The following CPXM2 variants were observed in gnomAD, a reference collection of about 807,000 sequenced individuals.
CPXM2 encodes the protein carboxypeptidase X, M14 family member 2, also known as inactive carboxypeptidase-like protein X2.
In CPXM2, 66 loss-of-function variants were observed where a neutral mutation model predicts 86.1. The observed-to-expected ratio is 0.77, with a 90% CI of 0.63 to 0.94. The LOEUF is 0.94. Among genes scored for constraint, CPXM2 ranks in the 40% least tolerant of loss-of-function variants. The pLI is 0.00. For missense variants in CPXM2, 948 were observed against 1,026.3 expected (o/e 0.92, Z 1.04); for synonymous variants, 388 against 400.2 (o/e 0.97, Z 0.36).
intron 4 of CPXM2, among the ~76,000 whole-genome samples, chr10:123,813,077 C>T (rs1590027768): frequency 6.6e-6 from 1 of 152,160 alleles, no homozygotes; most frequent in South Asian, 2.1e-4. Flanking sequence ...CAGGAAAACG[C>T]CACAACTACC....
At chr10:123,780,096 T>G in intron 7 of CPXM2, 71 bp downstream of exon 7, 8 of 955,524 alleles carry the variant, frequency 8.4e-6, no homozygotes, top group Non-Finnish European at 1.4e-5. Context: ...AAAATTTAAG[T>G]GCTTATGGAC....
intron 13 of CPXM2, chr10:123,750,602 A>G (rs966744912): frequency 1.0e-6 from 1 of 963,306 alleles, no homozygotes; most frequent in Non-Finnish European, 1.2e-6. Flanking sequence ...CTTTGGAATT[A>G]TCTCTAGGTC....
chr10:123,926,691 G>A (rs1404538968), intron 2 of CPXM2, among the ~76,000 whole-genome samples: 1 of 152,128 alleles, frequency 6.6e-6, no homozygotes, highest in Non-Finnish European at 1.5e-5. Flanking sequence ...CCTTTCTCCT[G>A]CCTGGAACAT....
rs77984378 is a variant in CPXM2 at position 123,825,091 on chromosome 10, A to G, written c.653+17258T>C. On this transcript the variant is annotated intron_variant, in intron 4 of 13. Transcript: ENST00000241305. The stretch of plus-strand genomic sequence containing the variant: ...AACTTCTGGAGGATTCTGAGGGGAA[A>G]ACATTTACCTTCTGGATCTAAACTG... Among the ~76,000 whole-genome samples, 1,478 of 152,308 alleles carry G rather than the reference A, an allele frequency of 9.7e-3. 24 individuals are homozygous for G. The highest frequency in any genetic ancestry group is 0.034 in the African/African-American group (1,407 of 41,576).
chr10:123,857,660 C>T lies in CPXM2; in HGVS notation c.513+4954G>A, dbSNP rs61861894. Among the ~76,000 whole-genome samples the T allele has an allele frequency of 8.8e-5, 10 of 113,216 alleles. 1 individual carries two copies. The highest frequency in any genetic ancestry group is 6.1e-4 in the South Asian group (2 of 3,298). 74.3% of individuals were successfully genotyped at this position (113,216 alleles called of 152,430 possible). A position where few individuals can be genotyped will look rare whatever the true frequency, so the allele number is the denominator to read the frequency against. ...TGGAAGGCGGCGTGGAGATGGAAGGCGGCGTGGAGATGGAAGGCGGCGTGG... is the reference window on the plus strand; with the variant it reads ...TGGAAGGCGGCGTGGAGATGGAAGGTGGCGTGGAGATGGAAGGCGGCGTGG... On this transcript the variant is annotated intron_variant, in intron 3 of 13. Coordinates refer to ENST00000241305, the MANE Select transcript of CPXM2 (RefSeq NM_198148.3).
At chr10:123,797,131 G>A (rs1449235858) in intron 6 of CPXM2, among the ~76,000 whole-genome samples, 3 of 152,198 alleles carry the variant, frequency 2.0e-5, no homozygotes, top group African/African-American at 4.8e-5. Context: ...AAGCCACCCC[G>A]AGGTTACCCC....
At chr10:123,780,493 G>A (rs917313975) in intron 6 of CPXM2, among the ~76,000 whole-genome samples, 9 of 152,176 alleles carry the variant, frequency 5.9e-5, no homozygotes, top group Non-Finnish European at 1.3e-4. Flanking sequence ...CTTACATGCT[G>A]TATGAGTATG....
chr10:123,753,793 T>G lies in CPXM2; in HGVS notation c.2017+870A>C, dbSNP rs563309120. ...GGAATAAGATGTCAGCACTGCCTTTTAGAGATCATCCTCTGACCCTCAGAT... is the reference window on the plus strand; with the variant it reads ...GGAATAAGATGTCAGCACTGCCTTTGAGAGATCATCCTCTGACCCTCAGAT... On this transcript the variant is annotated intron_variant, in intron 13 of 13. Transcript: ENST00000241305. Among the ~76,000 whole-genome samples the G allele has an allele frequency of 2.6e-5, 4 of 152,198 alleles. No homozygotes were observed. In the South Asian group the frequency reaches 6.2e-4, roughly 24 times the overall value.
At position 123,875,473 on chromosome 10, in the gene CPXM2, G is replaced by C. The variant is rs185089892; in HGVS notation, c.403+4738C>G. On this transcript the variant is annotated intron_variant, in intron 2 of 13. Transcript: ENST00000241305. ...GTCGGTAAAATCTTTCAGAATCAGG[G>C]GTCTGGGAATAGCTGTGCCAGATGC... Among the ~76,000 whole-genome samples, 11 of 152,232 alleles carry C rather than the reference G, an allele frequency of 7.2e-5. 1 individual carries two copies. Among genetic ancestry groups the C allele is most frequent in the Admixed American group, 5.9e-4 (9 of 15,294 alleles).
At chr10:123,921,280 ATT>A (rs34575158) in intron 2 of CPXM2, among the ~76,000 whole-genome samples, 3 of 151,688 alleles carry the variant, frequency 2.0e-5, no homozygotes, top group South Asian at 4.2e-4. Flanking sequence ...TCATAAGACA[ATT>A]TTTTTTTAAA....
intron 3 of CPXM2, among the ~76,000 whole-genome samples, chr10:123,857,916 G>A (rs893626538): frequency 6.6e-6 from 1 of 151,844 alleles, no homozygotes; most frequent in Non-Finnish European, 1.5e-5. Flanking sequence ...GTCAGGTGCT[G>A]ATACTTGGTC....
intron 4 of CPXM2, among the ~76,000 whole-genome samples, chr10:123,808,389 C>A (rs7910280): frequency 1.6e-4 from 24 of 150,986 alleles, no homozygotes; most frequent in African/African-American, 5.4e-4. Flanking sequence ...ACAACAACAA[C>A]AACCAGCTGT....
At chr10:123,867,527 C>CT (rs34482126) in intron 2 of CPXM2, among the ~76,000 whole-genome samples, 3,816 of 92,830 alleles carry the variant, frequency 0.041, 125 homozygotes, top group African/African-American at 0.09. Context: ...AGATTTCTTT[C>CT]TTTTTTTTTT....
intron 1 of CPXM2, among the ~76,000 whole-genome samples, chr10:123,880,609 C>T (rs1372090134): frequency 6.6e-6 from 1 of 152,018 alleles, no homozygotes; most frequent in East Asian, 1.9e-4. Flanking sequence ...GCGGGTGGAT[C>T]ACAAGGTCAG....
At chr10:123,909,936 G>A (rs895212075) in intron 2 of CPXM2, among the ~76,000 whole-genome samples, 2 of 152,174 alleles carry the variant, frequency 1.3e-5, no homozygotes, top group African/African-American at 4.8e-5. Context: ...TGGAAACAAA[G>A]ATGCCCTCGA....
chr10:123,860,098 G>C (rs1338903515), intron 3 of CPXM2, among the ~76,000 whole-genome samples: 1 of 152,196 alleles, frequency 6.6e-6, no homozygotes, highest in Non-Finnish European at 1.5e-5. Context: ...CACAAGGAAG[G>C]GGCAGATACA....
intron 4 of CPXM2, among the ~76,000 whole-genome samples, chr10:123,832,104 A>T (rs1835341933): frequency 6.6e-6 from 1 of 152,220 alleles, no homozygotes; most frequent in Admixed American, 6.5e-5. Context: ...TATAAAGATG[A>T]ATATATTAAC....
chr10:123,750,843 C>A, intron 13 of CPXM2: 1 of 985,416 alleles, frequency 1.0e-6, no homozygotes, highest in Non-Finnish European at 1.2e-6. Context: ...TGGCAGGGCA[C>A]GCTGTCCTCA....
Position 123,754,876 on chromosome 10 carries a change from C to G in CPXM2, c.1918-114G>C, listed in dbSNP as rs1846168342. 2.8e-6 allele frequency: 2 copies of G among 704,476 alleles called. No individual in the cohort carries two copies. Among genetic ancestry groups the G allele is most frequent in the Non-Finnish European group, 5.2e-6 (2 of 383,626 alleles). The allele number at this position is 704,476 out of a possible 1,614,324, so 43.6% of individuals were successfully genotyped here. ...GGCCGGTTCCCACCAAGAACTCACA[C>G]AGCACCACGTCTTGCTCAGAAGGCT... is the stretch of plus-strand genomic sequence containing the variant. On this transcript the variant is annotated intron_variant, in intron 12 of 13. Coordinates refer to ENST00000241305, the MANE Select transcript of CPXM2 (RefSeq NM_198148.3). This position sits in a 1 kb window ranked among gnomAD's most constrained non-coding sequence, Gnocchi z 4.0.
Sources: allele counts gnomAD v4.1 joint callset (sites outside exome capture counted in the v4.1 genomes callset), GRCh38; gene constraint gnomAD v4.1.1; non-coding constraint Gnocchi (gnomAD v3.1); transcripts MANE v1.5; gene names NCBI Gene and HGNC (gene_info 2026-07-23, HGNC 2026-07-21).